Variants in ZBTB41 observed in about 807,000 individuals in gnomAD.
ZBTB41 encodes zinc finger and BTB domain containing 41.
ZBTB41 carries 42 observed loss-of-function variants against 87.6 expected under a neutral mutation model. That is an observed-to-expected ratio of 0.48 (90% CI 0.37 to 0.62). The LOEUF is 0.62. ZBTB41 is among the 20% of genes least tolerant of loss of function. ZBTB41 has a pLI of 0.00. For missense variants in ZBTB41, 799 were observed against 1,078.9 expected, an observed-to-expected ratio of 0.74 and a Z score of 3.63; for synonymous variants, 364 against 364.0, an observed-to-expected ratio of 1.00 and a Z score of 0.00.
intron 10 of ZBTB41, among the ~76,000 whole-genome samples, chr1:197,162,601 C>T (rs1659227697): frequency 6.6e-6 from 1 of 152,122 alleles, no homozygotes; most frequent in African/African-American, 2.4e-5. Context: ...TTCAGACTTA[C>T]ATCATATCAT....
In ZBTB41 at chr1:197,199,624, T is replaced by G; in HGVS notation, c.850A>C (p.Asn284His). 1 of 1,611,428 alleles carries G rather than the reference T, an allele frequency of 6.2e-7. No individual in the cohort carries two copies. Among genetic ancestry groups the G allele is most frequent in the Non-Finnish European group, 8.5e-7 (1 of 1,179,480 alleles). ...GDGSDNLNQE[N>H]FDKEKSDRND... ...CTATCTGACTTTTCCTTATCAAAAT[T>G]TTCTTGATTCAAATTGTCTGACCCA... Residue 284 changes from asparagine to histidine, a missense_variant, in exon 2 of 11, where the codon AAT becomes CAT. This residue lies in a region of ZBTB41 where 294 missense variants were observed against 340.1 expected (regional missense o/e 0.86). Transcript: ENST00000367405.
chr1:197,188,929 T>G (rs926476226), intron 4 of ZBTB41, among the ~76,000 whole-genome samples: 4 of 152,170 alleles, frequency 2.6e-5, no homozygotes, highest in Non-Finnish European at 5.9e-5. Context: ...CCAACAATAA[T>G]GACATAGCAC....
chr1:197,185,400 C>T (rs527966870), intron 5 of ZBTB41, among the ~76,000 whole-genome samples: 11 of 152,236 alleles, frequency 7.2e-5, no homozygotes, highest in African/African-American at 2.6e-4. Context: ...CACAACTCTC[C>T]ACCTTGGCCA....
rs768798679 is a variant in ZBTB41, at chr1:197,191,857, G to A, written c.1163C>T (p.Pro388Leu). ...CTGGTGACAAATATCACACTCAAAG[G>A]GCTTCTCACCTGTGTGAACACGGGT... ...SHTRVHTGEK[P>L]FECDICHQRY... The change falls in exon 3 of 11, where the codon CCC (proline) becomes CTC (leucine). Residue 388 changes from proline (P) to leucine (L), a missense_variant. Coordinates refer to ENST00000367405, the MANE Select transcript of ZBTB41 (RefSeq NM_194314.3). 7 of 1,613,314 alleles carry A rather than the reference G, an allele frequency of 4.3e-6. No individual in the cohort carries two copies. The Admixed American group carries it at 1.0e-4, about 23-fold the overall frequency.
chr1:197,178,339 A>C, intron 7 of ZBTB41, 78 bp downstream of exon 7: 1 of 1,031,218 alleles, frequency 9.7e-7, no homozygotes. Flanking sequence ...TCAATTCAAC[A>C]AAGTAATAAG....
intron 10 of ZBTB41, among the ~76,000 whole-genome samples, chr1:197,165,071 T>A (rs1201050050): frequency 6.7e-6 from 1 of 149,106 alleles, no homozygotes; most frequent in Non-Finnish European, 1.5e-5. Context: ...GATTTTCACA[T>A]AAATATCTCA....
At position 197,155,438 on chromosome 1, in the gene ZBTB41, A is replaced by T. The variant is rs1659043474; in HGVS notation, c.*3921T>A. ...AGAATCAACTCTAAGCAACTACAAC[A>T]CATCGAAAAGGCACAAAGCATTCAA... On this transcript the variant is annotated 3_prime_UTR_variant, in exon 11 of 11. Transcript: ENST00000367405. The T allele has an allele frequency of 6.6e-6, 1 of 152,340 alleles. No individual in the cohort carries two copies. Among genetic ancestry groups the T allele is most frequent in the African/African-American group, 2.4e-5 (1 of 41,430 alleles). 9.4% of individuals were successfully genotyped at this position (152,340 alleles called of 1,614,324 possible). A position where few individuals can be genotyped will look rare whatever the true frequency, so the allele number is the denominator to read the frequency against.
At chr1:197,191,100 T>C (rs1193329778) in intron 3 of ZBTB41, among the ~76,000 whole-genome samples, 4 of 152,130 alleles carry the variant, frequency 2.6e-5, no homozygotes, top group African/African-American at 9.7e-5. Context: ...GTTAAATATA[T>C]AATACTCTAT....
chr1:197,177,376 A>T (rs532992911), intron 7 of ZBTB41, among the ~76,000 whole-genome samples: 5 of 152,220 alleles, frequency 3.3e-5, no homozygotes, highest in African/African-American at 1.2e-4. Context: ...AAGTTTCCTG[A>T]GGCCTTCCCA....
intron 8 of ZBTB41, chr1:197,176,138 T>C (rs1431843213): frequency 1.2e-5 from 2 of 161,434 alleles, no homozygotes; most frequent in Non-Finnish European, 1.4e-5. Context: ...CACTATAATA[T>C]ACACTTTTAG....
rs115494816 is a variant in ZBTB41, at chr1:197,193,713, C to T, written c.1121-1814G>A. On this transcript the variant is annotated intron_variant, in intron 2 of 10. Coordinates refer to ENST00000367405, the MANE Select transcript of ZBTB41 (RefSeq NM_194314.3). ...CACATCCTACCACCACCACCTCCCC[C>T]GCTGTGTTCAAGGAATCAGACCAAA... Among the ~76,000 whole-genome samples the T allele has an allele frequency of 6.6e-3, 1,010 of 152,278 alleles. 8 individuals are homozygous for T. The highest frequency in any genetic ancestry group is 0.022 in the African/African-American group (911 of 41,550).
Position 197,159,343 on chromosome 1 carries a change from G to C in ZBTB41, c.*16C>G, listed in dbSNP as rs771950299. 6.2e-7 allele frequency: 1 copy of C among 1,610,404 alleles called. No homozygotes were observed. Among genetic ancestry groups the C allele is most frequent in the Non-Finnish European group, 8.5e-7 (1 of 1,177,306 alleles). On this transcript the variant is annotated 3_prime_UTR_variant, in exon 11 of 11. Coordinates refer to ENST00000367405, the MANE Select transcript of ZBTB41 (RefSeq NM_194314.3). ...GCATATAACCATCCAAAAATCTGTGGAATGTTTAGATTTACTCATGAATGA... is the reference window on the plus strand; with the variant it reads ...GCATATAACCATCCAAAAATCTGTGCAATGTTTAGATTTACTCATGAATGA...
intron 10 of ZBTB41, among the ~76,000 whole-genome samples, chr1:197,160,434 G>A (rs1326290481): frequency 6.6e-6 from 1 of 151,996 alleles, no homozygotes; most frequent in Non-Finnish European, 1.5e-5. Flanking sequence ...CCCTCAAAAA[G>A]GTTAAACCAA....
Position 197,199,896 on chromosome 1 carries a change from T to A in ZBTB41, c.578A>T (p.Glu193Val). Residue 193 changes from glutamate to valine, a missense_variant, in exon 2 of 11, where the codon GAA becomes GTA. This residue lies in a region of ZBTB41 where 294 missense variants were observed against 340.1 expected (regional missense o/e 0.86). Transcript: ENST00000367405. ...HSELTEKSSPEETLNELTGRL... is the reference protein window; with the variant it reads ...HSELTEKSSPVETLNELTGRL... ...TCCAGTTAATTCATTTAGTGTTTCTTCTGGTGATGACTTTTCAGTTAGCTC... is the reference window on the plus strand; with the variant it reads ...TCCAGTTAATTCATTTAGTGTTTCTACTGGTGATGACTTTTCAGTTAGCTC... 6.2e-7 allele frequency: 1 copy of A among 1,611,362 alleles called. No individual in the cohort carries two copies. The highest frequency in any genetic ancestry group is 8.5e-7 in the Non-Finnish European group (1 of 1,178,914).
In ZBTB41 at chr1:197,176,536, C is replaced by T. The variant is rs112300038; in HGVS notation, c.1879+28G>A. On this transcript the variant is annotated intron_variant, in intron 8 of 10. Transcript: ENST00000367405. Reference sequence around the variant, plus strand: ...CTTTCAGGTATTTAAAAAGGATTTTCGAACTAGCATTACAAAATATGGTAT... The same window carrying T: ...CTTTCAGGTATTTAAAAAGGATTTTTGAACTAGCATTACAAAATATGGTAT... 1,593 of 1,487,742 alleles carry T rather than the reference C, an allele frequency of 1.1e-3. 13 individuals are homozygous for T. In the African/African-American group the frequency reaches 0.013, roughly 12 times the overall value. 92.2% of individuals were successfully genotyped at this position (1,487,742 alleles called of 1,614,324 possible).
intron 8 of ZBTB41, 33 bp from the exon 9 acceptor site, chr1:197,175,148 A>G: frequency 6.4e-7 from 1 of 1,562,166 alleles, no homozygotes; most frequent in Non-Finnish European, 8.8e-7. Flanking sequence ...TTTCATTATA[A>G]TATACATCTC....
chr1:197,163,766 CAAT>C (rs1281240013), intron 10 of ZBTB41, among the ~76,000 whole-genome samples: 1 of 151,700 alleles, frequency 6.6e-6, no homozygotes, highest in Non-Finnish European at 1.5e-5. Flanking sequence ...AAATGAGCAA[CAAT>C]AAGACTGATA....
At chr1:197,172,576 T>G (rs1169422320) in intron 9 of ZBTB41, among the ~76,000 whole-genome samples, 1 of 151,900 alleles carries the variant, frequency 6.6e-6, no homozygotes, top group African/African-American at 2.4e-5. Context: ...AAAGAAAAAT[T>G]ATAAGGTAGA....
At chr1:197,161,873 C>T (rs1659209909) in intron 10 of ZBTB41, among the ~76,000 whole-genome samples, 1 of 151,162 alleles carries the variant, frequency 6.6e-6, no homozygotes, top group Non-Finnish European at 1.5e-5. Flanking sequence ...AGAACACGAC[C>T]ACAGCAATAC....
Sources: gnomAD v4.1 joint callset for allele counts (sites outside exome capture counted in the v4.1 genomes callset) on GRCh38, gnomAD v4.1.1 for gene constraint, gnomAD v4.1.1 regional missense constraint, MANE v1.5 for transcripts, NCBI Gene and HGNC (gene_info 2026-07-23, HGNC 2026-07-21) for gene names.